Variants in FTO observed in about 807,000 individuals in gnomAD.
FTO encodes the protein FTO alpha-ketoglutarate dependent dioxygenase, also known as alpha-ketoglutarate-dependent dioxygenase FTO.
In FTO, 47 loss-of-function variants were observed where a neutral mutation model predicts 63.9. That is an observed-to-expected ratio of 0.74 (90% CI 0.58 to 0.94). FTO has a LOEUF of 0.94. Among genes scored for constraint, FTO ranks in the 40% least tolerant of loss-of-function variants. FTO has a pLI of 0.00. For synonymous variants in FTO, 207 were observed against 224.4 expected, an observed-to-expected ratio of 0.92 and a Z score of 0.69; for missense variants, 562 against 618.1, an observed-to-expected ratio of 0.91 and a Z score of 0.96.
chr16:53,800,292 A>C (rs2078184843), intron 1 of FTO, among the ~76,000 whole-genome samples: 3 of 152,072 alleles, frequency 2.0e-5, no homozygotes, highest in African/African-American at 7.2e-5. Context: ...TTAGTTTTCA[A>C]ATATTTGGGG....
At chr16:53,795,178 C>A (rs1431994676) in intron 1 of FTO, among the ~76,000 whole-genome samples, 1 of 152,000 alleles carries the variant, frequency 6.6e-6, no homozygotes, top group Non-Finnish European at 1.5e-5. Flanking sequence ...AAATAATAAA[C>A]TTAATAGAGG....
At chr16:53,801,240 G>T (rs548044526) in intron 1 of FTO, among the ~76,000 whole-genome samples, 28 of 144,206 alleles carry the variant, frequency 1.9e-4, no homozygotes, top group South Asian at 1.5e-3. Context: ...TAATTTTTTG[G>T]TTTTTTTTTT....
chr16:53,746,538 A>G (rs904585782), intron 1 of FTO, among the ~76,000 whole-genome samples: 4 of 152,220 alleles, frequency 2.6e-5, no homozygotes, highest in Admixed American at 6.5e-5. Context: ...AGCCAGCTTT[A>G]GAGAATGTAG....
intron 4 of FTO, among the ~76,000 whole-genome samples, chr16:53,862,211 G>A (rs2080193308): frequency 6.6e-6 from 1 of 152,104 alleles, no homozygotes; most frequent in Admixed American, 6.5e-5. Flanking sequence ...TTGTGCCACT[G>A]CACTCCAGCC....
intron 5 of FTO, among the ~76,000 whole-genome samples, chr16:53,875,709 C>T: frequency 6.6e-6 from 1 of 152,194 alleles, no homozygotes; most frequent in East Asian, 1.9e-4. Flanking sequence ...TTTGTTCTCT[C>T]TTCAAACTTT....
At chr16:53,888,028 G>T (rs186037791) in intron 6 of FTO, 1 of 151,854 alleles carries the variant, frequency 6.6e-6, no homozygotes, top group African/African-American at 2.4e-5. Flanking sequence ...TAATAAAAAC[G>T]TATTCAGTTT....
chr16:54,001,661 C>T (rs147985691), intron 8 of FTO, among the ~76,000 whole-genome samples: 56 of 152,290 alleles, frequency 3.7e-4, no homozygotes, highest in African/African-American at 1.2e-3. Flanking sequence ...GATAACCCCT[C>T]CCCTTTCCCC....
At chr16:54,012,448 A>G (rs2084352975) in intron 8 of FTO, among the ~76,000 whole-genome samples, 1 of 152,250 alleles carries the variant, frequency 6.6e-6, no homozygotes, top group South Asian at 2.1e-4. Context: ...GTGCTGATAC[A>G]GAGGCTGCAG....
intron 2 of FTO, among the ~76,000 whole-genome samples, chr16:53,824,063 C>T (rs972733230): frequency 3.9e-5 from 6 of 152,200 alleles, no homozygotes; most frequent in African/African-American, 9.7e-5. Flanking sequence ...GCACATTCCA[C>T]GCTCACATGT....
intron 7 of FTO, among the ~76,000 whole-genome samples, chr16:53,897,829 G>A (rs1030363759): frequency 1.3e-5 from 2 of 152,120 alleles, no homozygotes; most frequent in Non-Finnish European, 2.9e-5. Flanking sequence ...GTAGTCCCTA[G>A]TGTTTCACAG....
At chr16:53,943,384 A>G (rs1054785825) in intron 8 of FTO, among the ~76,000 whole-genome samples, 1 of 152,244 alleles carries the variant, frequency 6.6e-6, no homozygotes, top group African/African-American at 2.4e-5. Flanking sequence ...GGGCTTTAGC[A>G]TGAACTCTGT....
At chr16:53,955,774 G>T (rs1344655428) in intron 8 of FTO, among the ~76,000 whole-genome samples, 1 of 152,160 alleles carries the variant, frequency 6.6e-6, no homozygotes, top group Non-Finnish European at 1.5e-5. Flanking sequence ...AGTACATCAT[G>T]AGCTCTTTGA....
intron 8 of FTO, among the ~76,000 whole-genome samples, chr16:54,003,053 C>G (rs1260407063): frequency 2.0e-5 from 3 of 152,182 alleles, no homozygotes; most frequent in Non-Finnish European, 4.4e-5. Context: ...AGATGTTTCC[C>G]TTTTCCCAGA....
intron 8 of FTO, among the ~76,000 whole-genome samples, chr16:54,076,101 C>T (rs1349055888): frequency 6.6e-6 from 1 of 152,154 alleles, no homozygotes; most frequent in Non-Finnish European, 1.5e-5. Flanking sequence ...AATCTGTATA[C>T]TCTAGAGGTG....
At chr16:54,038,764 T>C (rs1299550910) in intron 8 of FTO, among the ~76,000 whole-genome samples, 3 of 152,226 alleles carry the variant, frequency 2.0e-5, no homozygotes, top group Non-Finnish European at 4.4e-5. Flanking sequence ...CCTCTTCGCC[T>C]TCTGCCATAA....
At chr16:54,051,060 A>T (rs1316371187) in intron 8 of FTO, among the ~76,000 whole-genome samples, 1 of 152,220 alleles carries the variant, frequency 6.6e-6, no homozygotes, top group Non-Finnish European at 1.5e-5. Flanking sequence ...CTCTACAAAA[A>T]GCGTTATCCA....
Position 53,826,117 on chromosome 16 carries a change from A to G in FTO, c.377A>G (p.Lys126Arg), listed in dbSNP as rs374337023. 34 of 1,614,096 alleles carry G rather than the reference A, an allele frequency of 2.1e-5. No individual in the cohort carries two copies. In the African/African-American group the frequency reaches 4.3e-4, roughly 20 times the overall value. The change falls in exon 3 of 9, where the codon AAA becomes AGA. Residue 126 changes from lysine to arginine, a missense_variant. By Grantham distance (26) the Lys-to-Arg change is conservative. Transcript: ENST00000471389. The stretch of plus-strand genomic sequence containing the variant: ...TGGCCAGTGAAAGGGTCTAATATAA[A>G]ACACACCGAGGCTGAAATAGCCGCT... Reference protein sequence around the residue: ...VPWPVKGSNIKHTEAEIAAAC... With the variant: ...VPWPVKGSNIRHTEAEIAAAC...
intron 1 of FTO, among the ~76,000 whole-genome samples, chr16:53,730,135 T>C (rs1315275026): frequency 6.6e-6 from 1 of 152,208 alleles, no homozygotes; most frequent in African/African-American, 2.4e-5. Flanking sequence ...TCAGTCAAAA[T>C]ATTCCATGAT....
chr16:54,039,263 G>C (rs2085015985), intron 8 of FTO: 1 of 152,224 alleles, frequency 6.6e-6, no homozygotes, highest in Non-Finnish European at 1.5e-5. Flanking sequence ...GTGGCTTAAT[G>C]ATATAATGTT....
Sources: allele counts gnomAD v4.1 joint callset (sites outside exome capture counted in the v4.1 genomes callset), GRCh38; gene constraint gnomAD v4.1.1; transcripts MANE v1.5; gene names NCBI Gene and HGNC (gene_info 2026-07-23, HGNC 2026-07-21).